FTO: variants seen among roughly 807,000 people sequenced by gnomAD.
FTO encodes the protein alpha-ketoglutarate-dependent dioxygenase FTO.
FTO carries 47 observed loss-of-function variants against 63.9 expected under a neutral mutation model. The ratio of observed to expected loss-of-function variants is 0.74; its 90% CI spans 0.58 to 0.94. The LOEUF (loss-of-function observed/expected upper bound fraction) is 0.94. Among genes scored for constraint, FTO ranks in the 40% least tolerant of loss-of-function variants. The pLI, the probability that FTO is intolerant of heterozygous loss-of-function variation, is 0.00. For missense variants in FTO, 562 were observed against 618.1 expected (o/e 0.91, Z 0.96); for synonymous variants, 207 against 224.4 (o/e 0.92, Z 0.69).
At chr16:53,709,587 C>T (rs2075717977) in intron 1 of FTO, among the ~76,000 whole-genome samples, 1 of 152,136 alleles carries the variant, frequency 6.6e-6, no homozygotes, top group African/African-American at 2.4e-5. Flanking sequence ...GAGGGGTCCT[C>T]TGCTGGGGTG....
intron 1 of FTO, among the ~76,000 whole-genome samples, chr16:53,792,689 T>A (rs527496220): frequency 6.6e-6 from 1 of 152,176 alleles, no homozygotes; most frequent in East Asian, 1.9e-4. Flanking sequence ...CTCATGGAGC[T>A]CTATCCTCTG....
chr16:53,937,555 T>C, intron 8 of FTO: 1 of 313,496 alleles, frequency 3.2e-6, no homozygotes, highest in Non-Finnish European at 5.8e-6. Context: ...AGGGTCACTC[T>C]CTGATAATGA....
At chr16:54,059,028 C>G (rs1022551942) in intron 8 of FTO, among the ~76,000 whole-genome samples, 1 of 152,188 alleles carries the variant, frequency 6.6e-6, no homozygotes, top group Non-Finnish European at 1.5e-5. Context: ...TATTTTGTAT[C>G]AGCTCAGCCA....
chr16:53,881,457 A>G (rs1392358736), intron 6 of FTO, among the ~76,000 whole-genome samples: 3 of 152,162 alleles, frequency 2.0e-5, no homozygotes, highest in African/African-American at 4.8e-5. Context: ...CATCCTTGCA[A>G]TGAGAGTCTG....
chr16:53,823,602 C>T (rs114251161), intron 2 of FTO, among the ~76,000 whole-genome samples: 2,456 of 151,042 alleles, frequency 0.016, 58 homozygotes, highest in African/African-American at 0.054. Context: ...TACTATTTCT[C>T]TTTTGCCTCA....
intron 8 of FTO, chr16:54,071,971 T>A (rs1426585039): frequency 6.6e-6 from 1 of 152,184 alleles, no homozygotes; most frequent in Non-Finnish European, 1.5e-5. Context: ...GGACAAGGTA[T>A]CCACATCTAT....
At chr16:54,049,924 G>A (rs1209746862) in intron 8 of FTO, among the ~76,000 whole-genome samples, 1 of 152,210 alleles carries the variant, frequency 6.6e-6, no homozygotes, top group African/African-American at 2.4e-5. Flanking sequence ...ACGGATCCAC[G>A]TCTGGCCATC....
intron 6 of FTO, chr16:53,886,936 T>A (rs2081014122): frequency 6.6e-6 from 1 of 152,212 alleles, no homozygotes; most frequent in Non-Finnish European, 1.5e-5. Context: ...TGGCTCCACG[T>A]TTCTTTAGCG....
rs138598060 is a variant in FTO at position 54,016,726 on chromosome 16, T to C, written c.1364+82617T>C. Among the ~76,000 whole-genome samples, 1,163 of 152,284 alleles carry C rather than the reference T, an allele frequency of 7.6e-3. 10 individuals carry two copies. Among genetic ancestry groups the C allele is most frequent in the Middle Eastern group, 0.037 (11 of 294 alleles). On this transcript the variant is annotated intron_variant, in intron 8 of 8. Coordinates refer to ENST00000471389, the MANE Select transcript of FTO (RefSeq NM_001080432.3). ...TGAGGCTGATAGCCTTTTCTCTCTC[T>C]TCTTGGTTGGTGGCACTCTGGTAGT...
rs532661436 is a variant in FTO at position 53,863,828 on chromosome 16, C to T, written c.896-9958C>T. On this transcript the variant is annotated intron_variant, in intron 4 of 8. Transcript: ENST00000471389. The stretch of plus-strand genomic sequence containing the variant: ...TTGATTGGTATATTTATCAGGCTCG[C>T]TGCTCTTTTGGAGAGACAATCACCT... Among the ~76,000 whole-genome samples, 94 of 152,360 alleles carry T rather than the reference C, an allele frequency of 6.2e-4. No homozygotes were observed. In the South Asian group the frequency reaches 8.7e-3, roughly 14 times the overall value.
intron 7 of FTO, among the ~76,000 whole-genome samples, chr16:53,901,098 G>A (rs1680200872): frequency 6.6e-6 from 1 of 152,212 alleles, no homozygotes; most frequent in Non-Finnish European, 1.5e-5. Flanking sequence ...TTGAAAGCAA[G>A]TCAAATTCAG....
chr16:53,885,006 C>T (rs951823432), intron 6 of FTO, among the ~76,000 whole-genome samples: 3 of 152,164 alleles, frequency 2.0e-5, no homozygotes, highest in Non-Finnish European at 2.9e-5. Context: ...CATCCTTTGG[C>T]GGCCTACAAC....
chr16:53,879,862 G>C lies in FTO; in HGVS notation c.994G>C (p.Asp332His), dbSNP rs2080774349. ...RVAECSTGTL[D>H]YILQRCQLAL... ...TCAACAGTGCTCAACAGGAACCTTG[G>C]ATTATATTTTACAACGCTGTCAGTT... Residue 332 changes from aspartate to histidine, a missense_variant, in exon 6 of 9, where the codon GAT becomes CAT. Transcript: ENST00000471389. 6.2e-7 allele frequency: 1 copy of C among 1,614,036 alleles called. No individual in the cohort carries two copies.
chr16:53,758,046 T>G (rs879450533), intron 1 of FTO, among the ~76,000 whole-genome samples: 5 of 152,244 alleles, frequency 3.3e-5, no homozygotes, highest in Admixed American at 3.3e-4. Context: ...GTTTTCCTTT[T>G]GTACAGTCAC....
chr16:53,812,077 T>C (rs2078543645), intron 2 of FTO, among the ~76,000 whole-genome samples: 1 of 151,978 alleles, frequency 6.6e-6, no homozygotes, highest in African/African-American at 2.4e-5. Flanking sequence ...GCTCACAAAG[T>C]GCTGGGGTTA....
chr16:53,917,540 T>C (rs564968255), intron 7 of FTO, among the ~76,000 whole-genome samples: 30 of 152,274 alleles, frequency 2.0e-4, no homozygotes, highest in African/African-American at 7.2e-4. Flanking sequence ...TAATAGTTAT[T>C]GTTATGTTTT....
rs12929934 is a variant in FTO at position 54,121,774 on chromosome 16, G to A, written c.*9859G>A. On this transcript the variant is annotated 3_prime_UTR_variant, in exon 9 of 9. Transcript: ENST00000471389. ...GAGTGTCATGCTTTCTAAGGCACAG[G>A]GCTGACTAAAGGGTGTCCTATTTAT... 39,006 of 152,044 alleles carry A rather than the reference G, an allele frequency of 0.26. 6,073 individuals are homozygous for A. The highest frequency in any genetic ancestry group is 0.47 in the East Asian group (2,396 of 5,140). 9.4% of individuals were successfully genotyped at this position (152,044 alleles called of 1,614,324 possible).
At chr16:53,760,891 T>C (rs942015862) in intron 1 of FTO, among the ~76,000 whole-genome samples, 3 of 152,148 alleles carry the variant, frequency 2.0e-5, no homozygotes, top group African/African-American at 7.2e-5. Context: ...CCTCCCAAAG[T>C]GCTGGGATTA....
chr16:54,067,140 T>TTG (rs1491535573), intron 8 of FTO, among the ~76,000 whole-genome samples: 2 of 3,862 alleles, frequency 5.2e-4, no homozygotes, highest in Non-Finnish European at 0.014. Context: ...GTTGTTGTTG[T>TTG]TTTTTTTTTG....
Sources: allele counts gnomAD v4.1 joint callset (sites outside exome capture counted in the v4.1 genomes callset), GRCh38; gene constraint gnomAD v4.1.1; transcripts MANE v1.5; gene names NCBI Gene and HGNC (gene_info 2026-07-23, HGNC 2026-07-21).